NTNG1: variants seen among roughly 807,000 people sequenced by gnomAD.
NTNG1 encodes the protein netrin G1.
Under a neutral mutation model 54.0 loss-of-function variants are expected in NTNG1, and 16 were observed. The observed-to-expected ratio is 0.30, with a 90% CI of 0.20 to 0.45. NTNG1 has a LOEUF of 0.45. Among genes scored for constraint, NTNG1 ranks in the 20% least tolerant of loss-of-function variants. NTNG1 has a pLI of 1.00. For missense variants in NTNG1, 530 were observed against 678.7 expected (o/e 0.78, Z 2.43); for synonymous variants, 255 against 263.1 (o/e 0.97, Z 0.30).
intron 4 of NTNG1, among the ~76,000 whole-genome samples, chr1:107,398,478 C>T (rs1672826767): frequency 6.6e-6 from 1 of 152,084 alleles, no homozygotes; most frequent in African/African-American, 2.4e-5. Flanking sequence ...TGGAGCAGTT[C>T]AAGACCACTG....
chr1:107,472,235 G>A (rs1678029567), intron 7 of NTNG1, among the ~76,000 whole-genome samples: 1 of 152,120 alleles, frequency 6.6e-6, no homozygotes, highest in Non-Finnish European at 1.5e-5. Flanking sequence ...AACAGAAACA[G>A]TCACCTAAGT....
intron 2 of NTNG1, among the ~76,000 whole-genome samples, chr1:107,306,686 G>A (rs1281928138): frequency 6.6e-6 from 1 of 151,998 alleles, no homozygotes; most frequent in Non-Finnish European, 1.5e-5. Flanking sequence ...GGGAGGTGGA[G>A]GTTGCAGTGA....
intron 2 of NTNG1, among the ~76,000 whole-genome samples, chr1:107,190,540 T>G (rs1657826011): frequency 6.6e-6 from 1 of 152,286 alleles, no homozygotes; most frequent in Admixed American, 6.5e-5. Context: ...ACTCGTCATT[T>G]ACATTAGGTA....
chr1:107,309,723 G>T (rs1666894378), intron 2 of NTNG1, among the ~76,000 whole-genome samples: 1 of 152,108 alleles, frequency 6.6e-6, no homozygotes, highest in South Asian at 2.1e-4. Flanking sequence ...AATGAAGAAG[G>T]TTAACCAAGT....
At chr1:107,443,524 T>A (rs967025979) in intron 7 of NTNG1, among the ~76,000 whole-genome samples, 1 of 152,154 alleles carries the variant, frequency 6.6e-6, no homozygotes, top group Non-Finnish European at 1.5e-5. Context: ...TGGACAAATA[T>A]CTTGCGCCTA....
At chr1:107,414,822 A>G (rs910538768) in intron 5 of NTNG1, among the ~76,000 whole-genome samples, 5 of 152,156 alleles carry the variant, frequency 3.3e-5, no homozygotes, top group African/African-American at 1.2e-4. Context: ...CATTTTGCAG[A>G]TGAGAAAAGC....
chr1:107,212,013 G>A (rs1226636839), intron 2 of NTNG1, among the ~76,000 whole-genome samples: 1 of 152,092 alleles, frequency 6.6e-6, no homozygotes, highest in African/African-American at 2.4e-5. Flanking sequence ...TTTCCAAAAA[G>A]AGCTTAAATC....
At chr1:107,188,355 A>T (rs540519512) in intron 2 of NTNG1, among the ~76,000 whole-genome samples, 1 of 152,200 alleles carries the variant, frequency 6.6e-6, no homozygotes, top group East Asian at 1.9e-4. Flanking sequence ...TGTGTCTGTC[A>T]TTTAACTGAC....
intron 3 of NTNG1, among the ~76,000 whole-genome samples, chr1:107,389,601 TG>T (rs1000374269): frequency 2.0e-5 from 3 of 152,212 alleles, no homozygotes; most frequent in Admixed American, 6.5e-5. Context: ...TCGTAAAGTT[TG>T]CATCACAGAC....
At chr1:107,273,231 C>T (rs1317174017) in intron 2 of NTNG1, among the ~76,000 whole-genome samples, 1 of 152,004 alleles carries the variant, frequency 6.6e-6, no homozygotes, top group Non-Finnish European at 1.5e-5. Context: ...TGAGAATAGC[C>T]GGGAAGTGAG....
At chr1:107,282,311 T>A (rs1664914697) in intron 2 of NTNG1, among the ~76,000 whole-genome samples, 1 of 152,160 alleles carries the variant, frequency 6.6e-6, no homozygotes, top group South Asian at 2.1e-4. Context: ...CCTACGAACC[T>A]TCATCCTGAG....
chr1:107,460,795 G>C (rs1677236752), intron 7 of NTNG1, among the ~76,000 whole-genome samples: 1 of 152,184 alleles, frequency 6.6e-6, no homozygotes, highest in African/African-American at 2.4e-5. Flanking sequence ...CCTGGAGCAA[G>C]GCTGCATAAA....
intron 3 of NTNG1, among the ~76,000 whole-genome samples, chr1:107,386,166 T>TATATATA (rs869287441): frequency 2.4e-5 from 1 of 42,238 alleles, no homozygotes. Context: ...TATATATATA[T>TATATATA]TTTTTTTTTT....
At chr1:107,478,685 G>T (rs1490837920) in intron 7 of NTNG1, among the ~76,000 whole-genome samples, 2 of 152,202 alleles carry the variant, frequency 1.3e-5, no homozygotes, top group Non-Finnish European at 2.9e-5. Context: ...GCATTCTGCT[G>T]CCTGGAACAA....
intron 3 of NTNG1, among the ~76,000 whole-genome samples, chr1:107,349,598 C>T (rs1301172078): frequency 6.6e-6 from 1 of 152,164 alleles, no homozygotes; most frequent in African/African-American, 2.4e-5. Context: ...ACACTCACAT[C>T]TAGGATAACC....
chr1:107,290,982 TATAC>T (rs994691798), intron 2 of NTNG1, among the ~76,000 whole-genome samples: 16 of 144,302 alleles, frequency 1.1e-4, no homozygotes, highest in African/African-American at 4.2e-4. Context: ...TATATATATA[TATAC>T]ACACACACAT....
intron 5 of NTNG1, among the ~76,000 whole-genome samples, chr1:107,419,296 T>A (rs1248343715): frequency 6.6e-6 from 1 of 151,792 alleles, no homozygotes; most frequent in East Asian, 1.9e-4. Context: ...TTGTTGGAAC[T>A]TTTCCTTTTA....
chr1:107,368,886 G>A (rs950685004), intron 3 of NTNG1, among the ~76,000 whole-genome samples: 1 of 152,110 alleles, frequency 6.6e-6, no homozygotes, highest in Non-Finnish European at 1.5e-5. Flanking sequence ...AATTTGATAT[G>A]TTTTGACTTA....
At chr1:107,156,966 T>C (rs1655048513) in intron 2 of NTNG1, among the ~76,000 whole-genome samples, 1 of 152,190 alleles carries the variant, frequency 6.6e-6, no homozygotes, top group Non-Finnish European at 1.5e-5. Context: ...AAATTTGCTT[T>C]AAATCGATCC....
Sources: allele counts gnomAD v4.1 joint callset (sites outside exome capture counted in the v4.1 genomes callset), GRCh38; gene constraint gnomAD v4.1.1; transcripts MANE v1.5; gene names NCBI Gene and HGNC (gene_info 2026-07-23, HGNC 2026-07-21).